Variants in IFI27L1 observed in about 807,000 individuals in gnomAD.
IFI27L1 encodes the protein interferon alpha inducible protein 27 like 1, also known as interferon alpha-inducible protein 27-like protein 1.
In IFI27L1, 3 loss-of-function variants were observed where a neutral mutation model predicts 9.2. That is an observed-to-expected ratio of 0.32 (90% CI 0.15 to 0.84). The LOEUF (loss-of-function observed/expected upper bound fraction) is 0.84. Among genes scored for constraint, IFI27L1 ranks in the 40% least tolerant of loss-of-function variants. IFI27L1 has a pLI of 0.56. For synonymous variants in IFI27L1, 53 were observed against 50.0 expected (o/e 1.06, Z -0.26); for missense variants, 133 against 134.2 (o/e 0.99, Z 0.05).
chr14:94,100,772 G>A lies in IFI27L1; in HGVS notation c.61+1G>A, dbSNP rs144379529. 1,628 of 1,613,638 alleles carry A rather than the reference G, an allele frequency of 1.0e-3. 11 individuals carry two copies. In the Middle Eastern group the frequency reaches 0.013, roughly 13 times the overall value. On this transcript the variant is annotated splice_donor_variant, in intron 3 of 4. Transcript: ENST00000555523. LOFTEE classifies it high-confidence loss of function. ...GCTGTAGCAGCTGTGGTCGGAGGAG[G>A]TGAGTCTCTATGGGAAGGAACTCAA...
chr14:94,098,404 T>C (rs1336410569), intron 2 of IFI27L1, among the ~76,000 whole-genome samples: 1 of 152,150 alleles, frequency 6.6e-6, no homozygotes, highest in Non-Finnish European at 1.5e-5. Context: ...CTGTGTCTCT[T>C]CTTTTTCCCT....
At position 94,087,624 on chromosome 14, in the gene IFI27L1, C is replaced by T. The variant is rs564559261; in HGVS notation, c.-52+6175C>T. ...TCTATTTTTAGTAGAGATGGTGTTTCACCGTGTTAGCCAGGATGGTCTCGA... is the reference window on the plus strand; with the variant it reads ...TCTATTTTTAGTAGAGATGGTGTTTTACCGTGTTAGCCAGGATGGTCTCGA... On this transcript the variant is annotated intron_variant, in intron 1 of 4. Coordinates refer to ENST00000555523, the MANE Select transcript of IFI27L1 (RefSeq NM_206949.3). Among the ~76,000 whole-genome samples the T allele has an allele frequency of 3.9e-5, 6 of 152,248 alleles. No homozygotes were observed. The South Asian group carries it at 1.2e-3, about 32-fold the overall frequency.
chr14:94,087,487 C>T (rs1225925759), intron 1 of IFI27L1, among the ~76,000 whole-genome samples: 2 of 152,160 alleles, frequency 1.3e-5, no homozygotes, highest in Non-Finnish European at 2.9e-5. Flanking sequence ...AGTGCAGTGG[C>T]GCATCTCGGC....
At chr14:94,089,939 G>A (rs1886414013) in intron 1 of IFI27L1, among the ~76,000 whole-genome samples, 1 of 152,190 alleles carries the variant, frequency 6.6e-6, no homozygotes, top group South Asian at 2.1e-4. Context: ...TCCGACAAAA[G>A]GTGATATCTG....
chr14:94,092,985 C>G (rs1261959951), intron 1 of IFI27L1, among the ~76,000 whole-genome samples: 2 of 152,108 alleles, frequency 1.3e-5, no homozygotes, highest in African/African-American at 4.8e-5. Flanking sequence ...GCGCACACCA[C>G]CATGCCCAGC....
At chr14:94,099,350 T>C (rs1044647205) in intron 2 of IFI27L1, among the ~76,000 whole-genome samples, 11 of 152,000 alleles carry the variant, frequency 7.2e-5, no homozygotes, top group Non-Finnish European at 2.9e-5. Flanking sequence ...GTTGCCTTCA[T>C]TTTCTTGGTG....
At position 94,102,629 on chromosome 14, in the gene IFI27L1, A is replaced by AAGAT; in HGVS notation, c.*61_*62insAGAT. 1 of 943,982 alleles carries AAGAT rather than the reference A, an allele frequency of 1.1e-6. No homozygotes were observed. Among genetic ancestry groups the AAGAT allele is most frequent in the Non-Finnish European group, 1.6e-6 (1 of 640,214 alleles). The allele number at this position is 943,982 out of a possible 1,614,324, so 58.5% of individuals were successfully genotyped here. A position where few individuals can be genotyped will look rare whatever the true frequency, so the allele number is the denominator to read the frequency against. Reference sequence around the variant, plus strand: ...GGAGATGACTTTCCTGGGCCTCTGGATGACAATCTTCCAAAGGACAAGTCT... The same window carrying AAGAT: ...GGAGATGACTTTCCTGGGCCTCTGGAAGATTGACAATCTTCCAAAGGACAAGTCT... On this transcript the variant is annotated 3_prime_UTR_variant, in exon 5 of 5. Transcript: ENST00000555523.
chr14:94,101,734 C>G, intron 3 of IFI27L1, 80 bp from the exon 4 acceptor site: 1 of 1,475,988 alleles, frequency 6.8e-7, no homozygotes, highest in Non-Finnish European at 9.4e-7. Context: ...ACCCCTCCTC[C>G]TCATCGCCCC....
chr14:94,091,162 G>C (rs1041946153), intron 1 of IFI27L1, among the ~76,000 whole-genome samples: 1 of 152,168 alleles, frequency 6.6e-6, no homozygotes, highest in African/African-American at 2.4e-5. Context: ...TCAGAAACCT[G>C]CATCCAAGAG....
intron 1 of IFI27L1, among the ~76,000 whole-genome samples, chr14:94,081,754 C>T (rs1886114790): frequency 6.6e-6 from 1 of 152,170 alleles, no homozygotes; most frequent in African/African-American, 2.4e-5. Flanking sequence ...GCGCCATGAG[C>T]TGTGCCCATA....
chr14:94,088,304 G>GT (rs1567067361), intron 1 of IFI27L1: 2 of 702,314 alleles, frequency 2.8e-6, no homozygotes, highest in South Asian at 3.0e-5. Context: ...GATGCAGAAG[G>GT]TAAGTTTTCA....
intron 1 of IFI27L1, among the ~76,000 whole-genome samples, chr14:94,095,711 C>T (rs566290199): frequency 3.3e-5 from 5 of 152,150 alleles, no homozygotes; most frequent in Non-Finnish European, 5.9e-5. Context: ...AAACAGAGTG[C>T]GAATTTGTTC....
At chr14:94,083,365 G>T (rs973543456) in intron 1 of IFI27L1, among the ~76,000 whole-genome samples, 4 of 152,204 alleles carry the variant, frequency 2.6e-5, no homozygotes, top group African/African-American at 7.2e-5. Context: ...GACAATGAAG[G>T]ATTTAGAATA....
In IFI27L1 at chr14:94,094,408, C is replaced by T. The variant is rs371132481; in HGVS notation, c.-51-2479C>T. On this transcript the variant is annotated intron_variant, in intron 1 of 4. Coordinates refer to ENST00000555523, the MANE Select transcript of IFI27L1 (RefSeq NM_206949.3). Reference sequence around the variant, plus strand: ...AATTTTTGAGTCAGTGTTGCTGCAACGGGTGGGTCTTTCTCTGGCCTCCCT... The same window carrying T: ...AATTTTTGAGTCAGTGTTGCTGCAATGGGTGGGTCTTTCTCTGGCCTCCCT... Among the ~76,000 whole-genome samples, 176 of 152,216 alleles carry T rather than the reference C, an allele frequency of 1.2e-3. 1 individual carries two copies. Among genetic ancestry groups the T allele is most frequent in the African/African-American group, 4.1e-3 (169 of 41,538 alleles).
rs73351266 is a variant in IFI27L1, at chr14:94,100,235, G to A, written c.29-504G>A. 2.5e-3 allele frequency: 2,428 copies of A among 980,594 alleles called. 6 individuals are homozygous for A. The highest frequency in any genetic ancestry group is 0.017 in the African/African-American group (974 of 57,222). 60.7% of individuals were successfully genotyped at this position (980,594 alleles called of 1,614,324 possible). On this transcript the variant is annotated intron_variant, in intron 2 of 4. Transcript: ENST00000555523. Reference sequence around the variant, plus strand: ...GAGCTAAAAGCTTCAAGAAATGGCAGGGAGTGATGGGAGGATTGAGGCTGA... The same window carrying A: ...GAGCTAAAAGCTTCAAGAAATGGCAAGGAGTGATGGGAGGATTGAGGCTGA...
intron 3 of IFI27L1, 57 bp from the exon 4 acceptor site, chr14:94,101,757 G>A (rs1483422162): frequency 1.3e-6 from 2 of 1,585,716 alleles, no homozygotes; most frequent in Non-Finnish European, 1.7e-6. Flanking sequence ...GAGGATGTCA[G>A]GGAAGTCTGG....
intron 1 of IFI27L1, among the ~76,000 whole-genome samples, chr14:94,085,668 T>C (rs1886258386): frequency 1.3e-5 from 2 of 152,136 alleles, no homozygotes; most frequent in South Asian, 4.1e-4. Flanking sequence ...TATGGAGGTA[T>C]AATTAGTGTA....
intron 1 of IFI27L1, among the ~76,000 whole-genome samples, chr14:94,091,995 G>A (rs998223866): frequency 2.6e-5 from 4 of 151,582 alleles, no homozygotes; most frequent in Admixed American, 2.0e-4. Flanking sequence ...GCATGGTGGC[G>A]GGTGCCTGTA....
chr14:94,089,147 GT>G (rs1886384378), intron 1 of IFI27L1: 2 of 152,160 alleles, frequency 1.3e-5, no homozygotes, highest in South Asian at 4.1e-4. Flanking sequence ...CTAAGAGAAG[GT>G]TCTTGGATAT....
Sources: gnomAD v4.1 joint callset for allele counts (sites outside exome capture counted in the v4.1 genomes callset) on GRCh38, gnomAD v4.1.1 for gene constraint, MANE v1.5 for transcripts, NCBI Gene and HGNC (gene_info 2026-07-23, HGNC 2026-07-21) for gene names.